Variants in SOCS2 observed in about 807,000 individuals in gnomAD.
SOCS2 encodes suppressor of cytokine signaling 2.
In SOCS2, 10 loss-of-function variants were observed where a neutral mutation model predicts 18.6. That is an observed-to-expected ratio of 0.54 (90% CI 0.33 to 0.91). SOCS2 has a LOEUF of 0.91. Among genes scored for constraint, SOCS2 ranks in the 40% least tolerant of loss-of-function variants. SOCS2 has a pLI of 0.02. For missense variants in SOCS2, 231 were observed against 247.2 expected, an observed-to-expected ratio of 0.93 and a Z score of 0.44; for synonymous variants, 104 against 104.0, an observed-to-expected ratio of 1.00 and a Z score of 0.00.
chr12:93,575,053 C>T lies in SOCS2; in HGVS notation c.471C>T (p.Tyr157=), dbSNP rs530558687. 1 of 1,614,160 alleles carries T rather than the reference C, an allele frequency of 6.2e-7. No homozygotes were observed. Among genetic ancestry groups the T allele is most frequent in the Non-Finnish European group, 8.5e-7 (1 of 1,180,008 alleles). The change falls in exon 2 of 2, where the codon TAC becomes TAT. Residue 157 remains tyrosine, a synonymous_variant. Transcript: ENST00000551556. ...ACCTTTATCTGACCAAACCGCTCTA[C>T]ACGTCAGCACCATCTCTGCAGCATC... ...TVHLYLTKPL[Y]TSAPSLQHLC...
At chr12:93,584,618 AAG>A (rs1169544983), downstream of SOCS2, among the ~76,000 whole-genome samples, 1 of 152,182 alleles carries the variant, frequency 6.6e-6, no homozygotes, top group African/African-American at 2.4e-5. Context: ...GGTTAATACT[AAG>A]AGGGCTATGA....
At chr12:93,624,310 C>T in the SOCS2 span, among the ~76,000 whole-genome samples, 1 of 152,192 alleles carries the variant, frequency 6.6e-6, no homozygotes. Flanking sequence ...CAGTGGCTCA[C>T]GCCTGTAATC....
Position 93,575,010 on chromosome 12 carries a change from C to G in SOCS2, c.428C>G (p.Pro143Arg). 1.9e-6 allele frequency: 3 copies of G among 1,614,116 alleles called. No individual in the cohort carries two copies. The highest frequency in any genetic ancestry group is 1.7e-6 in the Non-Finnish European group (2 of 1,179,990). The change falls in exon 2 of 2, where the codon CCC (proline) becomes CGC (arginine). Residue 143 changes from proline (P) to arginine (R), a missense_variant. By Grantham distance (103) the Pro-to-Arg change is moderately radical (BLOSUM62 -2). Around this residue, in one of 3 missense-constraint regions of SOCS2, gnomAD observed 122 missense variants for 127.2 expected, o/e 0.96. Coordinates refer to ENST00000551556, the MANE Select transcript of SOCS2 (RefSeq NM_001270471.2). ...CKDKRTGPEA[P>R]RNGTVHLYLT... ...GATAAGCGGACAGGTCCAGAAGCCC[C>G]CCGGAACGGCACTGTTCACCTTTAT...
chr12:93,610,199 A>G, the SOCS2 span, among the ~76,000 whole-genome samples: 3 of 152,194 alleles, frequency 2.0e-5, no homozygotes, highest in African/African-American at 7.2e-5. Flanking sequence ...AGTCGTTCTC[A>G]GACTTTAGCA....
the SOCS2 span, among the ~76,000 whole-genome samples, chr12:93,619,928 T>C: frequency 7.9e-5 from 12 of 152,344 alleles, no homozygotes; most frequent in Non-Finnish European, 1.5e-4. Flanking sequence ...CTGGATATTA[T>C]AGCAACTGTT....
the SOCS2 span, among the ~76,000 whole-genome samples, chr12:93,619,322 C>A: frequency 6.6e-6 from 1 of 152,188 alleles, no homozygotes; most frequent in East Asian, 1.9e-4. Flanking sequence ...GAGCCTTACA[C>A]AGTCCATAGG....
the SOCS2 span, among the ~76,000 whole-genome samples, chr12:93,592,556 G>T: frequency 1.2e-4 from 18 of 152,276 alleles, no homozygotes; most frequent in East Asian, 3.3e-3. Flanking sequence ...CATTTTAATA[G>T]ATATTTACTT....
the SOCS2 span, among the ~76,000 whole-genome samples, chr12:93,591,527 C>G: frequency 6.6e-6 from 1 of 152,194 alleles, no homozygotes; most frequent in Admixed American, 6.5e-5. Context: ...GGGGCTGGCT[C>G]TAGCGTCTAC....
the SOCS2 span, among the ~76,000 whole-genome samples, chr12:93,611,440 T>C: frequency 6.6e-6 from 1 of 152,148 alleles, no homozygotes; most frequent in Non-Finnish European, 1.5e-5. Flanking sequence ...TTTCACCATG[T>C]TGGCTAGGCT....
the SOCS2 span, among the ~76,000 whole-genome samples, chr12:93,609,908 T>C: frequency 6.6e-6 from 1 of 152,206 alleles, no homozygotes; most frequent in Non-Finnish European, 1.5e-5. Context: ...GAGGGCCTTC[T>C]TGCAGTATCA....
the SOCS2 span, among the ~76,000 whole-genome samples, chr12:93,601,207 A>G: frequency 6.6e-6 from 1 of 150,896 alleles, no homozygotes; most frequent in Non-Finnish European, 1.5e-5. Context: ...GACCTTTCTG[A>G]ATTCTTACTA....
chr12:93,592,864 CTG>C, the SOCS2 span, among the ~76,000 whole-genome samples: 1 of 148,880 alleles, frequency 6.7e-6, no homozygotes, highest in Non-Finnish European at 1.5e-5. Context: ...TATGCCTTGA[CTG>C]TGGCTTCATA....
the SOCS2 span, among the ~76,000 whole-genome samples, chr12:93,617,693 T>C: frequency 1.4e-5 from 2 of 145,344 alleles, no homozygotes; most frequent in African/African-American, 5.0e-5. Context: ...CATATAAATG[T>C]AAAAAAAAAA....
the SOCS2 span, among the ~76,000 whole-genome samples, chr12:93,612,679 A>T: frequency 6.6e-6 from 1 of 152,196 alleles, no homozygotes; most frequent in Non-Finnish European, 1.5e-5. Flanking sequence ...AATTGTGTAT[A>T]TTCTCAGTCT....
At chr12:93,590,223 A>G in the SOCS2 span, among the ~76,000 whole-genome samples, 3 of 151,840 alleles carry the variant, frequency 2.0e-5, no homozygotes, top group Admixed American at 6.6e-5. Context: ...TGACAGAGCG[A>G]GACTCAGTCT....
downstream of SOCS2, among the ~76,000 whole-genome samples, chr12:93,586,440 AT>A (rs1193078946): frequency 6.6e-6 from 1 of 152,218 alleles, no homozygotes; most frequent in African/African-American, 2.4e-5. Flanking sequence ...CTAATCACCA[AT>A]TTTAATTTAC....
At chr12:93,613,499 A>C in the SOCS2 span, among the ~76,000 whole-genome samples, 1 of 152,194 alleles carries the variant, frequency 6.6e-6, no homozygotes, top group Non-Finnish European at 1.5e-5. Flanking sequence ...CTACCACTTT[A>C]GTAGCTGCAT....
chr12:93,614,983 C>A, the SOCS2 span, among the ~76,000 whole-genome samples: 1 of 151,816 alleles, frequency 6.6e-6, no homozygotes, highest in Non-Finnish European at 1.5e-5. Context: ...ATTGAGCAGC[C>A]GGCAAAGGAT....
At chr12:93,573,600 C>G in intron 1 of SOCS2, 1 of 184,714 alleles carries the variant, frequency 5.4e-6, no homozygotes, top group Non-Finnish European at 1.1e-5. Flanking sequence ...CAAGTACAGT[C>G]AGGCAATTCG....
Sources: gnomAD v4.1 joint callset for allele counts (sites outside exome capture counted in the v4.1 genomes callset) on GRCh38, gnomAD v4.1.1 for gene constraint, gnomAD v4.1.1 regional missense constraint, MANE v1.5 for transcripts, NCBI Gene and HGNC (gene_info 2026-07-23, HGNC 2026-07-21) for gene names.